Variants in RPL22L1 observed in about 807,000 individuals in gnomAD.
RPL22L1 encodes ribosomal protein eL22-like.
A neutral mutation model predicts 17.3 loss-of-function variants in RPL22L1; 19 were observed. The observed-to-expected ratio is 1.10, with a 90% confidence interval of 0.77 to 1.61. The LOEUF (loss-of-function observed/expected upper bound fraction) is 1.61. RPL22L1 is among the 40% of genes most tolerant of loss of function. The pLI is 0.00. For missense variants in RPL22L1, 139 were observed against 144.4 expected, an observed-to-expected ratio of 0.96 and a Z score of 0.19; for synonymous variants, 48 against 48.5, an observed-to-expected ratio of 0.99 and a Z score of 0.05.
rs752308796 is a variant in RPL22L1, at chr3:170,866,351, A to G, written c.*29T>C. On this transcript the variant is annotated 3_prime_UTR_variant, in exon 4 of 4. Coordinates refer to ENST00000295830, the MANE Select transcript of RPL22L1 (RefSeq NM_001099645.2). ...TGTATACTTCATTTATTTTATTAAT[A>G]AGCAAAGCCCTGTAAGGGGAGCCTT... is the stretch of plus-strand genomic sequence containing the variant. 4.6e-6 allele frequency: 7 copies of G among 1,538,332 alleles called. No individual in the cohort carries two copies. Among genetic ancestry groups the G allele is most frequent in the Non-Finnish European group, 6.1e-6 (7 of 1,140,448 alleles).
In RPL22L1 at chr3:170,866,525, C is replaced by T; in HGVS notation, c.225-1G>A. 6.5e-7 allele frequency: 1 copy of T among 1,531,120 alleles called. No homozygotes were observed. The highest frequency in any genetic ancestry group is 1.2e-5 in the South Asian group (1 of 81,266). The allele number at this position is 1,531,120 out of a possible 1,614,324, so 94.8% of individuals were successfully genotyped here. A position where few individuals can be genotyped will look rare whatever the true frequency, so the allele number is the denominator to read the frequency against. The stretch of plus-strand genomic sequence containing the variant: ...TTTCTTGGTAAGGTATTTCAAATAC[C>T]TTTTAAAATAAAAACATAAATTTCA... On this transcript the variant is annotated splice_acceptor_variant, in intron 3 of 3. Coordinates refer to ENST00000295830, the MANE Select transcript of RPL22L1 (RefSeq NM_001099645.2). LOFTEE classifies it high-confidence loss of function.
chr3:170,868,119 C>G lies in RPL22L1; in HGVS notation c.118G>C (p.Glu40Gln). 6.2e-7 allele frequency: 1 copy of G among 1,606,018 alleles called. No homozygotes were observed. Among genetic ancestry groups the G allele is most frequent in the Non-Finnish European group, 8.5e-7 (1 of 1,175,478 alleles). The change falls in exon 3 of 4, where the codon GAG (glutamate) becomes CAG (glutamine). Residue 40 changes from glutamate (E) to glutamine (Q), a missense_variant. Coordinates refer to ENST00000295830, the MANE Select transcript of RPL22L1 (RefSeq NM_001099645.2). ...GTTTTGCCATTGACTTTAACCTTCTCCCGTAGAAATTGCTCCTATTTTAAA... is the reference window on the plus strand; with the variant it reads ...GTTTTGCCATTGACTTTAACCTTCTGCCGTAGAAATTGCTCCTATTTTAAA... ...DSGNFEQFLR[E>Q]KVKVNGKTGN...
At chr3:170,868,803 T>TAAAA (rs550401844) in intron 1 of RPL22L1, among the ~76,000 whole-genome samples, 2 of 117,776 alleles carry the variant, frequency 1.7e-5, no homozygotes, top group Non-Finnish European at 3.6e-5. Flanking sequence ...GGGACTTTGG[T>TAAAA]AAAAAAAAAA....
In RPL22L1 at chr3:170,866,240, A is replaced by G; in HGVS notation, c.*140T>C. The G allele has an allele frequency of 1.6e-6, 1 of 623,020 alleles. No homozygotes were observed. The highest frequency in any genetic ancestry group is 3.3e-5 in the Admixed American group (1 of 30,614). 38.6% of individuals were successfully genotyped at this position (623,020 alleles called of 1,614,324 possible). ...GGGAAATCAAAATCATATAAACAGC[A>G]TACTCAAAAAAATGAGACAAAAGTT... On this transcript the variant is annotated 3_prime_UTR_variant, in exon 4 of 4. Transcript: ENST00000295830.
Position 170,866,259 on chromosome 3 carries a change from A to C in RPL22L1, c.*121T>G, listed in dbSNP as rs1461639720. The stretch of plus-strand genomic sequence containing the variant: ...AACAGCATACTCAAAAAAATGAGAC[A>C]AAAGTTCAAGAGTATAATATTTTTT... On this transcript the variant is annotated 3_prime_UTR_variant, in exon 4 of 4. Transcript: ENST00000295830. The C allele has an allele frequency of 3.8e-6, 3 of 794,584 alleles. No homozygotes were observed. The highest frequency in any genetic ancestry group is 1.7e-5 in the African/African-American group (1 of 57,480). The allele number at this position is 794,584 out of a possible 1,614,324, so 49.2% of individuals were successfully genotyped here.
At position 170,866,377 on chromosome 3, in the gene RPL22L1, T is replaced by C; in HGVS notation, c.*3A>G. 6.3e-7 allele frequency: 1 copy of C among 1,599,822 alleles called. No homozygotes were observed. The highest frequency in any genetic ancestry group is 1.1e-5 in the South Asian group (1 of 88,106). On this transcript the variant is annotated 3_prime_UTR_variant, in exon 4 of 4. Coordinates refer to ENST00000295830, the MANE Select transcript of RPL22L1 (RefSeq NM_001099645.2). ...AGCAAAGCCCTGTAAGGGGAGCCTT[T>C]GCCTAGTCCTCCGACTCTGATTCAT...
At chr3:170,869,036 G>A (rs1711884449) in intron 1 of RPL22L1, among the ~76,000 whole-genome samples, 2 of 150,512 alleles carry the variant, frequency 1.3e-5, no homozygotes, top group South Asian at 4.2e-4. Flanking sequence ...CGGGAGGATT[G>A]CTTGAACCCG....
chr3:170,870,060 T>A (rs1711937648), intron 1 of RPL22L1, 99 bp downstream of exon 1: 1 of 1,564,224 alleles, frequency 6.4e-7, no homozygotes, highest in Non-Finnish European at 8.8e-7. Flanking sequence ...CCTCCCTTTA[T>A]CTTGACTGAG....
At position 170,865,149 on chromosome 3, in the gene RPL22L1, G is replaced by A. The variant is rs2108278264; in HGVS notation, c.*1231C>T. The A allele has an allele frequency of 6.6e-6, 1 of 152,314 alleles. No individual in the cohort carries two copies. Among genetic ancestry groups the A allele is most frequent in the East Asian group, 1.9e-4 (1 of 5,188 alleles). The allele number at this position is 152,314 out of a possible 1,614,324, so 9.4% of individuals were successfully genotyped here. A position where few individuals can be genotyped will look rare whatever the true frequency, so the allele number is the denominator to read the frequency against. ...AGAATCAAGGAGTTGCTGCACTGAG[G>A]TATTGCACGATGATGGGGGCACTTA... On this transcript the variant is annotated 3_prime_UTR_variant, in exon 4 of 4. Transcript: ENST00000295830.
chr3:170,866,984 G>C (rs570305116), intron 3 of RPL22L1, among the ~76,000 whole-genome samples: 3 of 152,166 alleles, frequency 2.0e-5, no homozygotes, highest in African/African-American at 7.2e-5. Context: ...TACATCTAAT[G>C]TAACTAGAGT....
chr3:170,868,363 T>C lies in RPL22L1; in HGVS notation c.37A>G (p.Thr13Ala), dbSNP rs1383902242. ...PQKDRKPKRS[T>A]WRFNLDLTHP... ...GTAAGGTCCAAATTAAACCTCCAGGTTGACCTCTTGGGCTTCCTGTCTTTC... is the reference window on the plus strand; with the variant it reads ...GTAAGGTCCAAATTAAACCTCCAGGCTGACCTCTTGGGCTTCCTGTCTTTC... Residue 13 changes from threonine (T) to alanine (A), a missense_variant, in exon 2 of 4, where the codon ACC becomes GCC. Thr to Ala is a moderately conservative substitution (Grantham distance 58). Transcript: ENST00000295830. The C allele has an allele frequency of 3.7e-6, 6 of 1,609,068 alleles. No homozygotes were observed. The African/African-American group carries it at 5.3e-5, about 14-fold the overall frequency.
chr3:170,869,386 G>A (rs1270085603), intron 1 of RPL22L1, among the ~76,000 whole-genome samples: 4 of 152,144 alleles, frequency 2.6e-5, no homozygotes, highest in South Asian at 2.1e-4. Flanking sequence ...TACCCAGTTG[G>A]CGCAGAAGTT....
chr3:170,869,391 G>A (rs114772708), intron 1 of RPL22L1, among the ~76,000 whole-genome samples: 1 of 152,194 alleles, frequency 6.6e-6, no homozygotes, highest in Non-Finnish European at 1.5e-5. Flanking sequence ...AGTTGGCGCA[G>A]AAGTTAATTT....
chr3:170,869,981 G>T, intron 1 of RPL22L1, 178 bp downstream of exon 1: 1 of 926,668 alleles, frequency 1.1e-6, no homozygotes, highest in Non-Finnish European at 1.7e-6. Context: ...GCAGCTGCCA[G>T]GGAGTCTCGA....
At position 170,868,803 on chromosome 3, in the gene RPL22L1, T is replaced by TAAAAA. The variant is rs550401844; in HGVS notation, c.10-418_10-414dup. Among the ~76,000 whole-genome samples, 490 of 117,664 alleles carry TAAAAA rather than the reference T, an allele frequency of 4.2e-3. 4 individuals carry two copies. Among genetic ancestry groups the TAAAAA allele is most frequent in the South Asian group, 0.037 (138 of 3,682 alleles). 77.2% of individuals were successfully genotyped at this position (117,664 alleles called of 152,430 possible). On this transcript the variant is annotated intron_variant, in intron 1 of 3. Coordinates refer to ENST00000295830, the MANE Select transcript of RPL22L1 (RefSeq NM_001099645.2). ...TATAGGCAAGGGAAGGGGACTTTGG[T>TAAAAA]AAAAAAAAAAAAAAAGAAAAGAAAA...
At chr3:170,868,993 T>C (rs369926815) in intron 1 of RPL22L1, among the ~76,000 whole-genome samples, 1 of 151,560 alleles carries the variant, frequency 6.6e-6, no homozygotes, top group African/African-American at 2.4e-5. Context: ...TGGTGGTGCA[T>C]GCTTATAATC....
rs1711732972 is a variant in RPL22L1 at position 170,865,773 on chromosome 3, G to A, written c.*607C>T. 1 of 152,216 alleles carries A rather than the reference G, an allele frequency of 6.6e-6. No individual in the cohort carries two copies. The highest frequency in any genetic ancestry group is 6.5e-5 in the Admixed American group (1 of 15,288). The allele number at this position is 152,216 out of a possible 1,614,324, so 9.4% of individuals were successfully genotyped here. On this transcript the variant is annotated 3_prime_UTR_variant, in exon 4 of 4. Transcript: ENST00000295830. Reference sequence around the variant, plus strand: ...TGTAAGAACTGTTCTAAGCACTTGAGATTACATTTACAAGCTATTAAAAAC... The same window carrying A: ...TGTAAGAACTGTTCTAAGCACTTGAAATTACATTTACAAGCTATTAAAAAC...
At chr3:170,869,589 AATGACTT>A (rs1280562145) in intron 1 of RPL22L1, among the ~76,000 whole-genome samples, 1 of 152,158 alleles carries the variant, frequency 6.6e-6, no homozygotes, top group African/African-American at 2.4e-5. Context: ...TTCCCTTACT[AATGACTT>A]AAGTAAAACA....
intron 1 of RPL22L1, among the ~76,000 whole-genome samples, chr3:170,869,480 T>C (rs1351289270): frequency 1.3e-5 from 2 of 152,248 alleles, no homozygotes. Flanking sequence ...TACCCAGTTT[T>C]GTAGCTAGCC....
Sources: gnomAD v4.1 joint callset for allele counts (sites outside exome capture counted in the v4.1 genomes callset) on GRCh38, gnomAD v4.1.1 for gene constraint, MANE v1.5 for transcripts, NCBI Gene and HGNC (gene_info 2026-07-23, HGNC 2026-07-21) for gene names.